FBXL7: variants seen among roughly 807,000 people sequenced by gnomAD.
FBXL7 encodes the protein F-box and leucine rich repeat protein 7.
In FBXL7, 12 loss-of-function variants were observed where a neutral mutation model predicts 38.3. That is an observed-to-expected ratio of 0.31 (90% CI 0.20 to 0.51). The LOEUF (loss-of-function observed/expected upper bound fraction) is 0.51, where lower values mean the gene tolerates loss of function less well. FBXL7 is among the 20% of genes least tolerant of loss of function. FBXL7 has a pLI of 0.98. For missense variants in FBXL7, 567 were observed against 676.4 expected, an observed-to-expected ratio of 0.84 and a Z score of 1.79; for synonymous variants, 297 against 300.9, an observed-to-expected ratio of 0.99 and a Z score of 0.13.
At chr5:15,894,724 G>A (rs1741040425) in intron 2 of FBXL7, among the ~76,000 whole-genome samples, 1 of 152,138 alleles carries the variant, frequency 6.6e-6, no homozygotes, top group East Asian at 1.9e-4. Flanking sequence ...TATTTATGAG[G>A]TAGAGTTTTA....
Position 15,546,113 on chromosome 5 carries a change from A to G in FBXL7, c.37+45400A>G, listed in dbSNP as rs973829338. ...ATTAAATGATACATATTATAATTCA[A>G]TTTACCCTTTTACACTTTTAAAATA... On this transcript the variant is annotated intron_variant, in intron 1 of 3. Transcript: ENST00000504595. Among the ~76,000 whole-genome samples the G allele has an allele frequency of 3.3e-5, 5 of 152,270 alleles. 1 individual carries two copies. The highest frequency in any genetic ancestry group is 3.8e-4 in the East Asian group (2 of 5,202).
At chr5:15,578,629 G>A (rs566441213) in intron 1 of FBXL7, among the ~76,000 whole-genome samples, 7 of 152,208 alleles carry the variant, frequency 4.6e-5, no homozygotes, top group Non-Finnish European at 5.9e-5. Context: ...ATGACCCCCC[G>A]TGATGCTACA....
intron 2 of FBXL7, among the ~76,000 whole-genome samples, chr5:15,923,309 C>T (rs182679167): frequency 5.9e-5 from 9 of 152,120 alleles, no homozygotes; most frequent in South Asian, 2.1e-4. Context: ...CTTCTGTGAA[C>T]GAAATATACT....
chr5:15,834,572 A>G (rs1342172893), intron 2 of FBXL7, among the ~76,000 whole-genome samples: 2 of 152,164 alleles, frequency 1.3e-5, no homozygotes, highest in East Asian at 3.8e-4. Flanking sequence ...ACACATACAT[A>G]AAAGGGATAA....
chr5:15,868,684 G>A (rs1739821852), intron 2 of FBXL7, among the ~76,000 whole-genome samples: 1 of 152,050 alleles, frequency 6.6e-6, no homozygotes, highest in South Asian at 2.1e-4. Context: ...ACAAATCCAT[G>A]CCCCTCAGCC....
At chr5:15,883,880 T>C (rs1217180366) in intron 2 of FBXL7, among the ~76,000 whole-genome samples, 2 of 152,198 alleles carry the variant, frequency 1.3e-5, no homozygotes, top group Non-Finnish European at 2.9e-5. Flanking sequence ...GCCTAATAAA[T>C]ACTTATGGGA....
intron 1 of FBXL7, among the ~76,000 whole-genome samples, chr5:15,546,668 T>C (rs1404415331): frequency 6.6e-6 from 1 of 152,184 alleles, no homozygotes; most frequent in East Asian, 1.9e-4. Context: ...GAGGTGGAAG[T>C]TGCAGTGAGC....
At chr5:15,725,493 G>T (rs947015508) in intron 2 of FBXL7, among the ~76,000 whole-genome samples, 1 of 152,054 alleles carries the variant, frequency 6.6e-6, no homozygotes, top group Non-Finnish European at 1.5e-5. Context: ...TCCCATTGTG[G>T]TCAGAAGACA....
At chr5:15,624,119 A>G (rs899755498) in intron 2 of FBXL7, among the ~76,000 whole-genome samples, 1 of 152,198 alleles carries the variant, frequency 6.6e-6, no homozygotes, top group African/African-American at 2.4e-5. Flanking sequence ...TGTCAGTATT[A>G]TATATGCAGA....
chr5:15,640,032 CAAT>C (rs1741308090), intron 2 of FBXL7, among the ~76,000 whole-genome samples: 1 of 152,164 alleles, frequency 6.6e-6, no homozygotes, highest in Admixed American at 6.6e-5. Context: ...TTGCATTTCA[CAAT>C]GTCTTAAGGA....
At position 15,939,702 on chromosome 5, in the gene FBXL7, T is replaced by C. The variant is rs1561197648; in HGVS notation, c.*2516T>C. 1 of 152,690 alleles carries C rather than the reference T, an allele frequency of 6.5e-6. No individual in the cohort carries two copies. The highest frequency in any genetic ancestry group is 1.5e-5 in the Non-Finnish European group (1 of 68,056). 9.5% of individuals were successfully genotyped at this position (152,690 alleles called of 1,614,324 possible). A position where few individuals can be genotyped will look rare whatever the true frequency, so the allele number is the denominator to read the frequency against. On this transcript the variant is annotated 3_prime_UTR_variant, in exon 4 of 4. Coordinates refer to ENST00000504595, the MANE Select transcript of FBXL7 (RefSeq NM_012304.5). ...TTGAATGCTCATTGTTTGTTGTTGT[T>C]GTTTTTTAATTCTAATGTTCAAATC...
intron 1 of FBXL7, among the ~76,000 whole-genome samples, chr5:15,517,427 A>T (rs1159743145): frequency 1.3e-5 from 2 of 152,162 alleles, no homozygotes; most frequent in Non-Finnish European, 2.9e-5. Context: ...GGGCTTTCTA[A>T]CTGAGTGTAC....
chr5:15,754,235 A>G (rs796645667), intron 2 of FBXL7, among the ~76,000 whole-genome samples: 35 of 152,342 alleles, frequency 2.3e-4, no homozygotes, highest in African/African-American at 7.5e-4. Context: ...TGTGGCTAGA[A>G]TGATCTGCTT....
intron 1 of FBXL7, among the ~76,000 whole-genome samples, chr5:15,577,335 G>C (rs1046243083): frequency 6.6e-6 from 1 of 152,098 alleles, no homozygotes; most frequent in Non-Finnish European, 1.5e-5. Context: ...GGGCAGGGGG[G>C]CATTTATTTT....
chr5:15,804,470 AAAAT>A (rs1175628291), intron 2 of FBXL7, among the ~76,000 whole-genome samples: 3 of 152,184 alleles, frequency 2.0e-5, no homozygotes, highest in East Asian at 1.9e-4. Context: ...CCTTGTCTCT[AAAAT>A]AAATAAATAA....
intron 1 of FBXL7, among the ~76,000 whole-genome samples, chr5:15,510,612 T>C (rs965843275): frequency 1.3e-5 from 2 of 152,020 alleles, no homozygotes; most frequent in Admixed American, 6.6e-5. Flanking sequence ...TTCAGGGAGA[T>C]TGGGAATTAG....
chr5:15,539,148 A>G (rs1224489798), intron 1 of FBXL7, among the ~76,000 whole-genome samples: 1 of 152,238 alleles, frequency 6.6e-6, no homozygotes, highest in Non-Finnish European at 1.5e-5. Flanking sequence ...TCTCTTGTGA[A>G]CAATTTATTC....
In FBXL7 at chr5:15,937,054, C is replaced by T. The variant is rs772413376; in HGVS notation, c.1344C>T (p.Ile448=). 6.8e-6 allele frequency: 11 copies of T among 1,613,894 alleles called. No homozygotes were observed. The East Asian group carries it at 2.2e-4, about 33-fold the overall frequency. Reference sequence around the variant, plus strand: ...GCATCACCGGCCAGGGCTTGCAGATCGTGGCCGCCAACTGCTTTGACCTCC... The same window carrying T: ...GCATCACCGGCCAGGGCTTGCAGATTGTGGCCGCCAACTGCTTTGACCTCC... ...CESITGQGLQ[I]VAANCFDLQT... is the part of the protein sequence containing the mutation. Residue 448 remains isoleucine (I), a synonymous_variant, in exon 4 of 4, where the codon ATC becomes ATT. Coordinates refer to ENST00000504595, the MANE Select transcript of FBXL7 (RefSeq NM_012304.5).
chr5:15,568,166 C>G (rs376107919), intron 1 of FBXL7, among the ~76,000 whole-genome samples: 1 of 151,618 alleles, frequency 6.6e-6, no homozygotes, highest in African/African-American at 2.4e-5. Flanking sequence ...CCTGAGGAAT[C>G]GCCACACTGA....
Sources: allele counts gnomAD v4.1 joint callset (sites outside exome capture counted in the v4.1 genomes callset), GRCh38; gene constraint gnomAD v4.1.1; transcripts MANE v1.5; gene names NCBI Gene and HGNC (gene_info 2026-07-23, HGNC 2026-07-21).